The following DLC1 variants were observed in gnomAD, a reference collection of about 807,000 sequenced individuals.
The protein encoded by DLC1 is rho GTPase-activating protein 7.
A neutral mutation model predicts 140.3 loss-of-function variants in DLC1; 54 were observed. The observed-to-expected ratio is 0.38, with a 90% confidence interval of 0.31 to 0.48. DLC1 has a LOEUF of 0.48. Among genes scored for constraint, DLC1 ranks in the 20% least tolerant of loss-of-function variants. DLC1 has a pLI of 0.96. For synonymous variants in DLC1, 986 were observed against 728.1 expected (o/e 1.35, Z -5.70); for missense variants, 2,536 against 1,907.0 (o/e 1.33, Z -6.14).
chr8:13,151,448 C>G (rs576604466), intron 5 of DLC1, among the ~76,000 whole-genome samples: 115 of 152,298 alleles, frequency 7.6e-4, no homozygotes, highest in Non-Finnish European at 1.3e-3. Context: ...AACAGTAGAA[C>G]TGAGACTCCA....
intron 4 of DLC1, among the ~76,000 whole-genome samples, chr8:13,357,985 T>C (rs906864887): frequency 5.9e-5 from 9 of 152,202 alleles, no homozygotes; most frequent in African/African-American, 2.2e-4. Context: ...ATGGTCTTTA[T>C]TCACTTAATT....
chr8:13,247,294 A>C (rs1192666212), intron 5 of DLC1, among the ~76,000 whole-genome samples: 1 of 152,242 alleles, frequency 6.6e-6, no homozygotes, highest in Admixed American at 6.5e-5. Flanking sequence ...TTACTAGGTC[A>C]GAAGTACAAT....
intron 5 of DLC1, among the ~76,000 whole-genome samples, chr8:13,184,115 A>G (rs1826205045): frequency 6.6e-6 from 1 of 152,198 alleles, no homozygotes; most frequent in African/African-American, 2.4e-5. Flanking sequence ...AGGTGTTAAT[A>G]GTATTCTCTG....
At chr8:13,288,370 T>G (rs1831615478) in intron 5 of DLC1, among the ~76,000 whole-genome samples, 1 of 152,244 alleles carries the variant, frequency 6.6e-6, no homozygotes, top group African/African-American at 2.4e-5. Context: ...TGAGGGCTGT[T>G]GGAGTCTGGA....
intron 5 of DLC1, among the ~76,000 whole-genome samples, chr8:13,212,736 T>C (rs938346034): frequency 2.0e-5 from 3 of 152,148 alleles, no homozygotes; most frequent in Admixed American, 1.3e-4. Context: ...TCCAAGAACT[T>C]CAAACATGCC....
chr8:13,262,953 T>G (rs1830523828), intron 5 of DLC1, among the ~76,000 whole-genome samples: 1 of 152,242 alleles, frequency 6.6e-6, no homozygotes, highest in Non-Finnish European at 1.5e-5. Flanking sequence ...ATGCATATCA[T>G]TCTAAGACAT....
intron 4 of DLC1, among the ~76,000 whole-genome samples, chr8:13,388,875 T>G (rs570622425): frequency 6.6e-6 from 1 of 152,212 alleles, no homozygotes; most frequent in East Asian, 1.9e-4. Context: ...CCATTTTTTT[T>G]ATTGTTCAGT....
intron 4 of DLC1, among the ~76,000 whole-genome samples, chr8:13,321,697 G>A (rs1318060855): frequency 1.3e-5 from 2 of 151,988 alleles, no homozygotes; most frequent in South Asian, 4.1e-4. Context: ...TGAATCAGGA[G>A]GATAATTCAT....
chr8:13,496,029 C>A (rs1463289294), intron 2 of DLC1, among the ~76,000 whole-genome samples: 1 of 152,098 alleles, frequency 6.6e-6, no homozygotes, highest in Non-Finnish European at 1.5e-5. Flanking sequence ...TTCACTTTTC[C>A]AAGTTCTTAT....
intron 5 of DLC1, among the ~76,000 whole-genome samples, chr8:13,233,306 A>C (rs989811217): frequency 6.9e-6 from 1 of 143,896 alleles, no homozygotes; most frequent in African/African-American, 2.7e-5. Flanking sequence ...AAAAAAAAAA[A>C]AAAAAAAAAA....
intron 10 of DLC1, among the ~76,000 whole-genome samples, chr8:13,097,066 C>G (rs1285038591): frequency 6.6e-6 from 1 of 152,022 alleles, no homozygotes; most frequent in Non-Finnish European, 1.5e-5. Flanking sequence ...TACTAAGGAG[C>G]TATATTTTTC....
At chr8:13,147,647 A>C (rs745964572) in intron 5 of DLC1, among the ~76,000 whole-genome samples, 97 of 152,152 alleles carry the variant, frequency 6.4e-4, no homozygotes, top group Non-Finnish European at 5.7e-4. Context: ...GTGGGATCTC[A>C]AGGTACAGCA....
chr8:13,344,488 C>T (rs1834226695), intron 4 of DLC1, among the ~76,000 whole-genome samples: 1 of 152,064 alleles, frequency 6.6e-6, no homozygotes, highest in African/African-American at 2.4e-5. Context: ...AGTGAAACTC[C>T]ATCTCAAAAA....
chr8:13,485,940 G>A (rs74765437), intron 2 of DLC1, among the ~76,000 whole-genome samples: 2,739 of 152,212 alleles, frequency 0.018, 89 homozygotes, highest in African/African-American at 0.062. Flanking sequence ...TTTGCATGAC[G>A]AGTACACAGA....
chr8:13,189,434 T>C (rs1007109727), intron 5 of DLC1, among the ~76,000 whole-genome samples: 3 of 151,172 alleles, frequency 2.0e-5, no homozygotes, highest in Non-Finnish European at 4.4e-5. Flanking sequence ...GCTCTGATCA[T>C]GCCATTGCAC....
At chr8:13,350,122 G>A (rs1043207157) in intron 4 of DLC1, among the ~76,000 whole-genome samples, 1 of 152,192 alleles carries the variant, frequency 6.6e-6, no homozygotes, top group African/African-American at 2.4e-5. Context: ...GCCAGAGGCT[G>A]GATCTATTAC....
At chr8:13,297,835 C>A (rs920203916) in intron 5 of DLC1, among the ~76,000 whole-genome samples, 8 of 152,092 alleles carry the variant, frequency 5.3e-5, no homozygotes, top group Non-Finnish European at 1.5e-5. Context: ...GATGATCAGA[C>A]TGGGAACAGT....
intron 4 of DLC1, among the ~76,000 whole-genome samples, chr8:13,390,986 A>G (rs1223131522): frequency 2.2e-5 from 2 of 92,084 alleles, no homozygotes; most frequent in African/African-American, 8.0e-5. Flanking sequence ...CTCCGTCTCA[A>G]AAAAAAAAAG....
At chr8:13,575,073 T>C (rs753754542) in intron 1 of DLC1, among the ~76,000 whole-genome samples, 1 of 152,196 alleles carries the variant, frequency 6.6e-6, no homozygotes, top group East Asian at 1.9e-4. Flanking sequence ...CTGTTCTTAG[T>C]TGATAATTAC....
Sources: gnomAD v4.1 joint callset for allele counts (sites outside exome capture counted in the v4.1 genomes callset) on GRCh38, gnomAD v4.1.1 for gene constraint, MANE v1.5 for transcripts, NCBI Gene and HGNC (gene_info 2026-07-23, HGNC 2026-07-21) for gene names.